GLB1: variants seen among roughly 807,000 people sequenced by gnomAD.
GLB1 encodes beta-galactosidase.
Under a neutral mutation model 74.0 loss-of-function variants are expected in GLB1, and 56 were observed. The ratio of observed to expected loss-of-function variants is 0.76; its 90% confidence interval spans 0.61 to 0.94. GLB1 has a LOEUF of 0.94. GLB1 is among the 40% of genes least tolerant of loss of function. GLB1 has a pLI of 0.00. For missense variants in GLB1, 787 were observed against 845.5 expected (o/e 0.93, Z 0.86); for synonymous variants, 323 against 323.6 (o/e 1.00, Z 0.02).
the GLB1 span, among the ~76,000 whole-genome samples, chr3:32,973,063 C>G: frequency 1.7e-3 from 252 of 152,286 alleles, no homozygotes; most frequent in African/African-American, 5.8e-3. Flanking sequence ...TAGTATGCTT[C>G]CCCCTGCACA....
intron 5 of GLB1, chr3:33,061,816 T>G (rs1027208585): frequency 6.6e-6 from 1 of 152,218 alleles, no homozygotes; most frequent in Non-Finnish European, 1.5e-5. Context: ...AGGTAGAAAC[T>G]GAGATAAACA....
At chr3:32,976,026 T>G in the GLB1 span, among the ~76,000 whole-genome samples, 1 of 152,196 alleles carries the variant, frequency 6.6e-6, no homozygotes, top group Admixed American at 6.5e-5. Context: ...CTCAGTCAAT[T>G]CAGCATTTCA....
At chr3:32,975,933 G>T in the GLB1 span, among the ~76,000 whole-genome samples, 30 of 152,264 alleles carry the variant, frequency 2.0e-4, no homozygotes, top group Admixed American at 2.6e-4. Context: ...GAGAAACATG[G>T]GTGTCAACAG....
intron 5 of GLB1, among the ~76,000 whole-genome samples, chr3:33,058,904 G>A (rs555357530): frequency 7.2e-5 from 11 of 151,772 alleles, no homozygotes; most frequent in South Asian, 2.1e-4. Flanking sequence ...CACACACACC[G>A]GTGTTCAGTT....
the GLB1 span, among the ~76,000 whole-genome samples, chr3:32,980,607 CCT>C: frequency 1.4e-4 from 21 of 152,124 alleles, no homozygotes; most frequent in South Asian, 6.2e-4. Flanking sequence ...ATGGTGAACC[CCT>C]GTCTCTACTA....
chr3:33,074,311 G>GA (rs1700003464), intron 1 of GLB1, among the ~76,000 whole-genome samples: 1 of 127,220 alleles, frequency 7.9e-6, no homozygotes, highest in African/African-American at 2.9e-5. Context: ...TCCGTCAAAA[G>GA]AAAGAACGAG....
intron 1 of GLB1, among the ~76,000 whole-genome samples, chr3:33,095,713 C>T (rs1467389519): frequency 1.3e-5 from 2 of 152,180 alleles, no homozygotes; most frequent in Admixed American, 6.5e-5. Flanking sequence ...TCTCTCTCTC[C>T]CTACCCCCAC....
At chr3:33,049,590 G>A (rs1698892565) in intron 9 of GLB1, among the ~76,000 whole-genome samples, 1 of 151,992 alleles carries the variant, frequency 6.6e-6, no homozygotes, top group Admixed American at 6.6e-5. Context: ...CTAATTTTTT[G>A]TATCTTTAGT....
chr3:33,040,816 AAAG>A (rs1304151081), intron 10 of GLB1, among the ~76,000 whole-genome samples: 7 of 152,242 alleles, frequency 4.6e-5, no homozygotes, highest in Non-Finnish European at 8.8e-5. Flanking sequence ...TAAAGAAATA[AAAG>A]AAGAACATGT....
intron 5 of GLB1, among the ~76,000 whole-genome samples, chr3:33,059,278 CACACACACACACAG>C (rs1329329126): frequency 1.4e-5 from 2 of 142,044 alleles, no homozygotes; most frequent in African/African-American, 5.0e-5. Context: ...CACACACACA[CACACACACACACAG>C]AGCAAATAAA....
intron 15 of GLB1, among the ~76,000 whole-genome samples, chr3:33,002,056 G>T (rs1420306559): frequency 6.6e-6 from 1 of 151,362 alleles, no homozygotes; most frequent in Non-Finnish European, 1.5e-5. Context: ...TCTTAATGAA[G>T]TCAGCCCCAT....
At chr3:33,022,880 A>G (rs1697557586) in intron 11 of GLB1, among the ~76,000 whole-genome samples, 1 of 151,928 alleles carries the variant, frequency 6.6e-6, no homozygotes. Flanking sequence ...TTTCATAAAC[A>G]CTTCCCATGG....
At chr3:33,070,277 T>C (rs527345587) in intron 2 of GLB1, among the ~76,000 whole-genome samples, 24 of 152,334 alleles carry the variant, frequency 1.6e-4, no homozygotes, top group African/African-American at 5.5e-4. Context: ...ATATTTTGCA[T>C]AAATAATTGA....
Position 33,014,147 on chromosome 3 carries a change from A to T in GLB1, c.1643T>A (p.Leu548His), listed in dbSNP as rs1335107953. The T allele has an allele frequency of 3.1e-6, 5 of 1,614,024 alleles. No individual in the cohort carries two copies. The highest frequency in any genetic ancestry group is 4.2e-6 in the Non-Finnish European group (5 of 1,180,044). The change falls in exon 15 of 16, where the codon CTC (leucine) becomes CAC (histidine). Residue 548 changes from leucine to histidine, a missense_variant. Leu to His is a moderately conservative substitution (Grantham distance 99). Transcript: ENST00000307363. ...AWAHNSSNYT[L>H]PAFYMGNFSI... Reference sequence around the variant, plus strand: ...GAAGTTCCCCATATAAAAGGCCGGGAGCGTGTAGTTGGATGAGTTGTGGGC... The same window carrying T: ...GAAGTTCCCCATATAAAAGGCCGGGTGCGTGTAGTTGGATGAGTTGTGGGC...
chr3:33,039,012 C>T (rs1386983761), intron 10 of GLB1, among the ~76,000 whole-genome samples: 4 of 152,048 alleles, frequency 2.6e-5, no homozygotes, highest in Non-Finnish European at 4.4e-5. Flanking sequence ...AAAGCCAGGG[C>T]CGGGCGTAGT....
rs202056683 is a variant in GLB1 at position 33,092,913 on chromosome 3, C to T, written c.75+4098G>A. On this transcript the variant is annotated intron_variant, in intron 1 of 15. Transcript: ENST00000307363. ...CATGGGTATCCCGTAGTAGGCTGTG[C>T]CTGGGCTGACATACACGAATGTAGC... 4.7e-5 allele frequency: 76 copies of T among 1,614,052 alleles called. No homozygotes were observed. Among genetic ancestry groups the T allele is most frequent in the Admixed American group, 8.3e-5 (5 of 59,998 alleles).
the GLB1 span, among the ~76,000 whole-genome samples, chr3:32,980,766 G>C: frequency 6.6e-6 from 1 of 151,476 alleles, no homozygotes; most frequent in African/African-American, 2.4e-5. Context: ...GGGCCACAGA[G>C]TGAGACTCCC....
At chr3:33,000,081 GGGC>G (rs1696491272) in intron 15 of GLB1, among the ~76,000 whole-genome samples, 1 of 150,916 alleles carries the variant, frequency 6.6e-6, no homozygotes, top group Non-Finnish European at 1.5e-5. Flanking sequence ...CTGGGACTAC[GGGC>G]ATGCCCCACC....
chr3:32,976,186 C>T, the GLB1 span, among the ~76,000 whole-genome samples: 1 of 152,208 alleles, frequency 6.6e-6, no homozygotes, highest in Non-Finnish European at 1.5e-5. Context: ...CTAAGCTGAT[C>T]CATTCCCACA....
Sources: gnomAD v4.1 joint callset for allele counts (sites outside exome capture counted in the v4.1 genomes callset) on GRCh38, gnomAD v4.1.1 for gene constraint, MANE v1.5 for transcripts, NCBI Gene and HGNC (gene_info 2026-07-23, HGNC 2026-07-21) for gene names.